The following MICU1 variants were observed in gnomAD, a reference collection of about 807,000 sequenced individuals.
The protein encoded by MICU1 is calcium uptake protein 1, mitochondrial.
MICU1 carries 45 observed loss-of-function variants against 56.8 expected under a neutral mutation model. The ratio of observed to expected loss-of-function variants is 0.79; its 90% confidence interval spans 0.62 to 1.02. MICU1 has a LOEUF of 1.02. Among genes scored for constraint, MICU1 ranks in the 50% least tolerant of loss-of-function variants. The pLI, the probability that MICU1 is intolerant of heterozygous loss-of-function variation, is 0.00. For synonymous variants in MICU1, 186 were observed against 195.1 expected (o/e 0.95, Z 0.39); for missense variants, 504 against 587.1 (o/e 0.86, Z 1.46).
At chr10:72,485,039 A>C (rs1866422317) in intron 6 of MICU1, among the ~76,000 whole-genome samples, 1 of 152,226 alleles carries the variant, frequency 6.6e-6, no homozygotes, top group South Asian at 2.1e-4. Context: ...CCACAAGCCT[A>C]AAATATTTGC....
chr10:72,549,035 T>A (rs907716790), intron 4 of MICU1, among the ~76,000 whole-genome samples: 2 of 152,150 alleles, frequency 1.3e-5, no homozygotes, highest in African/African-American at 4.8e-5. Context: ...TCATACATTT[T>A]GGAGGGGTGA....
rs376145600 is a variant in MICU1, at chr10:72,423,270, C to T, written c.1035G>A (p.Met345Ile). 9.9e-6 allele frequency: 16 copies of T among 1,613,838 alleles called. No homozygotes were observed. The highest frequency in any genetic ancestry group is 1.3e-5 in the Non-Finnish European group (15 of 1,179,858). ...SGVQSKKLTA[M>I]QRQLKKHFKE... ...TGAAGTGCTTCTTGAGCTGCCTCTG[C>T]ATGGCGGTCAGCTTCTTGGACTGCA... The change falls in exon 9 of 12, where the codon ATG (methionine) becomes ATA (isoleucine). Residue 345 changes from methionine to isoleucine, a missense_variant. Met to Ile is a conservative substitution (Grantham distance 10). Coordinates refer to ENST00000361114, the MANE Select transcript of MICU1 (RefSeq NM_001195518.2).
At chr10:72,417,513 G>A (rs1460995623) in intron 9 of MICU1, among the ~76,000 whole-genome samples, 1 of 151,178 alleles carries the variant, frequency 6.6e-6, no homozygotes, top group East Asian at 1.9e-4. Flanking sequence ...CTTTTTCACA[G>A]CACCTGGCTT....
At chr10:72,558,657 A>G (rs1267440820) in intron 3 of MICU1, among the ~76,000 whole-genome samples, 1 of 152,190 alleles carries the variant, frequency 6.6e-6, no homozygotes, top group Non-Finnish European at 1.5e-5. Context: ...TGGATCTTCA[A>G]TACAATGAAG....
At chr10:72,601,794 T>C (rs891544168) in intron 1 of MICU1, among the ~76,000 whole-genome samples, 4 of 28,022 alleles carry the variant, frequency 1.4e-4, no homozygotes, top group African/African-American at 6.4e-4. Context: ...ATTTCTTTTT[T>C]TCTTTTTCTT....
At chr10:72,438,780 A>T (rs982550120) in intron 8 of MICU1, among the ~76,000 whole-genome samples, 7 of 152,210 alleles carry the variant, frequency 4.6e-5, no homozygotes, top group Non-Finnish European at 1.0e-4. Flanking sequence ...ACCTCTACAC[A>T]AATAAACTAG....
At chr10:72,559,106 T>C (rs778521721) in intron 3 of MICU1, among the ~76,000 whole-genome samples, 4 of 152,058 alleles carry the variant, frequency 2.6e-5, no homozygotes, top group South Asian at 2.1e-4. Flanking sequence ...CAGAATTGCT[T>C]AAATCTGTGA....
At chr10:72,591,979 C>T (rs1237646829) in intron 1 of MICU1, among the ~76,000 whole-genome samples, 1 of 151,298 alleles carries the variant, frequency 6.6e-6, no homozygotes, top group Non-Finnish European at 1.5e-5. Flanking sequence ...CACTGGACTC[C>T]AGCCTGGGCG....
intron 8 of MICU1, among the ~76,000 whole-genome samples, chr10:72,463,905 A>T (rs1312827119): frequency 1.3e-5 from 2 of 152,196 alleles, no homozygotes; most frequent in Non-Finnish European, 2.9e-5. Flanking sequence ...ACCATTTTTT[A>T]AAATCTTTTA....
At chr10:72,609,967 G>A (rs761339355) in intron 1 of MICU1, among the ~76,000 whole-genome samples, 19 of 151,702 alleles carry the variant, frequency 1.3e-4, no homozygotes, top group African/African-American at 2.2e-4. Context: ...CTGGAGGGGC[G>A]GAGGTTGCAG....
intron 5 of MICU1, among the ~76,000 whole-genome samples, chr10:72,516,459 T>C (rs1339896188): frequency 6.6e-6 from 1 of 152,236 alleles, no homozygotes; most frequent in Non-Finnish European, 1.5e-5. Flanking sequence ...TTTGTCAATT[T>C]TGGCTTTTGC....
intron 5 of MICU1, among the ~76,000 whole-genome samples, chr10:72,520,808 C>T (rs891093550): frequency 3.9e-5 from 6 of 151,982 alleles, no homozygotes; most frequent in African/African-American, 9.7e-5. Flanking sequence ...TTTAAGGAAA[C>T]GATACAACTT....
chr10:72,370,127 TTG>T, intron 11 of MICU1, among the ~76,000 whole-genome samples: 1 of 152,166 alleles, frequency 6.6e-6, no homozygotes, highest in South Asian at 2.1e-4. Flanking sequence ...TCCGCCCACC[TTG>T]GCCTCCCAAA....
chr10:72,459,895 A>G (rs2132234214), intron 8 of MICU1, among the ~76,000 whole-genome samples: 1 of 152,292 alleles, frequency 6.6e-6, no homozygotes, highest in South Asian at 2.1e-4. Context: ...AGTGAATGGG[A>G]TTAACTGAAT....
At chr10:72,473,428 C>G (rs1038347562) in intron 8 of MICU1, 7 of 152,126 alleles carry the variant, frequency 4.6e-5, no homozygotes, top group African/African-American at 1.7e-4. Flanking sequence ...GAGTTTATTT[C>G]ACAATAATTT....
At chr10:72,620,694 A>G (rs546501964) in intron 1 of MICU1, among the ~76,000 whole-genome samples, 1 of 152,332 alleles carries the variant, frequency 6.6e-6, no homozygotes, top group East Asian at 1.9e-4. Context: ...TTTGGGGGAA[A>G]AAAGCTGAGT....
chr10:72,612,248 CAA>C (rs765546917), intron 1 of MICU1, among the ~76,000 whole-genome samples: 13 of 150,124 alleles, frequency 8.7e-5, no homozygotes, highest in Non-Finnish European at 1.5e-4. Flanking sequence ...AGATTTCCCA[CAA>C]TAACACTAGA....
intron 9 of MICU1, among the ~76,000 whole-genome samples, chr10:72,415,023 T>G (rs1186254910): frequency 6.6e-6 from 1 of 150,736 alleles, no homozygotes; most frequent in South Asian, 2.1e-4. Context: ...GTTTTTTTTT[T>G]TTTTTTTTTT....
chr10:72,594,546 T>A (rs887395501), intron 1 of MICU1, among the ~76,000 whole-genome samples: 1 of 151,720 alleles, frequency 6.6e-6, no homozygotes, highest in Non-Finnish European at 1.5e-5. Context: ...AAGAAAAAAA[T>A]AGACAAATTA....
Sources: gnomAD v4.1 joint callset for allele counts (sites outside exome capture counted in the v4.1 genomes callset) on GRCh38, gnomAD v4.1.1 for gene constraint, MANE v1.5 for transcripts, NCBI Gene and HGNC (gene_info 2026-07-23, HGNC 2026-07-21) for gene names.